Variants in PPM1H observed in about 807,000 individuals in gnomAD.
PPM1H encodes protein phosphatase 1H.
In PPM1H, 27 loss-of-function variants were observed where a neutral mutation model predicts 54.9. The ratio of observed to expected loss-of-function variants is 0.49; its 90% CI spans 0.36 to 0.68. The LOEUF is 0.68. PPM1H is among the 30% of genes least tolerant of loss of function. The pLI is 0.00. For synonymous variants in PPM1H, 305 were observed against 270.8 expected (o/e 1.13, Z -1.24); for missense variants, 596 against 667.8 (o/e 0.89, Z 1.19).
chr12:62,911,136 T>A (rs1871446812), intron 1 of PPM1H, among the ~76,000 whole-genome samples: 3 of 151,986 alleles, frequency 2.0e-5, no homozygotes, highest in African/African-American at 7.3e-5. Context: ...TTACTGGTAT[T>A]CTTCAGGGGG....
intron 6 of PPM1H, among the ~76,000 whole-genome samples, chr12:62,708,844 A>G (rs1317080308): frequency 6.6e-6 from 1 of 152,138 alleles, no homozygotes; most frequent in Non-Finnish European, 1.5e-5. Context: ...ACAGTACCCA[A>G]TAGGTAGTTT....
chr12:62,708,372 T>G (rs2076187204), intron 6 of PPM1H, among the ~76,000 whole-genome samples: 1 of 152,172 alleles, frequency 6.6e-6, no homozygotes, highest in South Asian at 2.1e-4. Context: ...CTGATTTAGA[T>G]GAAGAGGCCC....
chr12:62,861,895 C>G (rs887333681), intron 1 of PPM1H, among the ~76,000 whole-genome samples: 2 of 152,132 alleles, frequency 1.3e-5, no homozygotes, highest in African/African-American at 4.8e-5. Flanking sequence ...CAAGGAAAGC[C>G]AAGAATCTGT....
At chr12:62,806,754 G>T (rs1461262650) in intron 2 of PPM1H, among the ~76,000 whole-genome samples, 1 of 152,162 alleles carries the variant, frequency 6.6e-6, no homozygotes, top group African/African-American at 2.4e-5. Context: ...TTCCTGTACA[G>T]CCTGTGGACC....
At chr12:62,661,693 A>G (rs1252364260) in intron 9 of PPM1H, among the ~76,000 whole-genome samples, 1 of 151,344 alleles carries the variant, frequency 6.6e-6, no homozygotes, top group East Asian at 1.9e-4. Context: ...CACTGCACCT[A>G]GGCCAGTTCT....
chr12:62,873,607 T>A (rs1165240838), intron 1 of PPM1H, among the ~76,000 whole-genome samples: 1 of 152,200 alleles, frequency 6.6e-6, no homozygotes, highest in East Asian at 1.9e-4. Flanking sequence ...CAGATCCATG[T>A]CATTACTGCA....
chr12:62,755,932 C>A (rs1592582156), intron 4 of PPM1H: 2 of 819,452 alleles, frequency 2.4e-6, no homozygotes, highest in South Asian at 1.4e-5. Context: ...CCTTCTGTGT[C>A]CCTACTGCCA....
chr12:62,818,254 C>A (rs189632010), intron 2 of PPM1H, among the ~76,000 whole-genome samples: 1 of 152,174 alleles, frequency 6.6e-6, no homozygotes, highest in South Asian at 2.1e-4. Context: ...GTACCCTCCT[C>A]CTCTTATCTC....
At chr12:62,902,964 C>T (rs73318267) in intron 1 of PPM1H, among the ~76,000 whole-genome samples, 9,486 of 152,088 alleles carry the variant, frequency 0.062, 1,045 homozygotes, top group African/African-American at 0.22. Context: ...GAACTAATAC[C>T]ACTAGACTAA....
intron 4 of PPM1H, among the ~76,000 whole-genome samples, chr12:62,748,978 G>A (rs2076427095): frequency 6.6e-6 from 1 of 152,188 alleles, no homozygotes; most frequent in Non-Finnish European, 1.5e-5. Context: ...CACTGGGGTA[G>A]GAAAATACTG....
At chr12:62,842,955 T>C (rs1474372313) in intron 1 of PPM1H, among the ~76,000 whole-genome samples, 1 of 152,196 alleles carries the variant, frequency 6.6e-6, no homozygotes, top group Non-Finnish European at 1.5e-5. Flanking sequence ...TCTCATAAGA[T>C]GGGGATAATG....
intron 5 of PPM1H, among the ~76,000 whole-genome samples, 166 bp from the exon 6 acceptor site, chr12:62,720,455 C>T (rs991830862): frequency 4.6e-5 from 7 of 152,072 alleles, no homozygotes; most frequent in South Asian, 2.1e-4. Flanking sequence ...TAATAGAAGA[C>T]GAGCACATAA....
chr12:62,762,029 C>T (rs2076512131), intron 4 of PPM1H, among the ~76,000 whole-genome samples: 3 of 152,234 alleles, frequency 2.0e-5, no homozygotes, highest in Admixed American at 2.0e-4. Flanking sequence ...GCTCCGTCTG[C>T]AGCTCCTGTC....
intron 1 of PPM1H, among the ~76,000 whole-genome samples, chr12:62,864,903 C>T (rs1592642798): frequency 6.6e-6 from 1 of 152,286 alleles, no homozygotes; most frequent in East Asian, 1.9e-4. Flanking sequence ...GTCCAAAAGG[C>T]CTCAATAGAC....
At chr12:62,657,399 C>T (rs779579709) in intron 9 of PPM1H, among the ~76,000 whole-genome samples, 23 of 152,226 alleles carry the variant, frequency 1.5e-4, no homozygotes, top group Admixed American at 9.2e-4. Context: ...GGCCACACAG[C>T]TCTGCCACAT....
Position 62,647,518 on chromosome 12 carries a change from T to TTAATATG in PPM1H, c.*970_*971insCATATTA, listed in dbSNP as rs1177186208. 6.6e-6 allele frequency: 1 copy of TTAATATG among 152,168 alleles called. No homozygotes were observed. Among genetic ancestry groups the TTAATATG allele is most frequent in the Non-Finnish European group, 1.5e-5 (1 of 68,048 alleles). 9.4% of individuals were successfully genotyped at this position (152,168 alleles called of 1,614,324 possible). On this transcript the variant is annotated 3_prime_UTR_variant, in exon 10 of 10. Coordinates refer to ENST00000228705, the MANE Select transcript of PPM1H (RefSeq NM_020700.2). ...TTAAACTGCTCTATTAAACACTGCTTTATATGTGTCCCCATGATACAGAAA... is the reference window on the plus strand; with the variant it reads ...TTAAACTGCTCTATTAAACACTGCTTTAATATGTATATGTGTCCCCATGATACAGAAA...
chr12:62,822,997 G>C (rs938440806), intron 2 of PPM1H, among the ~76,000 whole-genome samples: 5 of 152,092 alleles, frequency 3.3e-5, no homozygotes, highest in African/African-American at 1.2e-4. Flanking sequence ...TAGACTGCTA[G>C]CAAGACTAAT....
intron 1 of PPM1H, among the ~76,000 whole-genome samples, chr12:62,880,580 C>T (rs541408842): frequency 9.9e-4 from 151 of 152,156 alleles, no homozygotes; most frequent in Non-Finnish European, 2.0e-3. Context: ...TCAGCACTCC[C>T]GATTCCATTC....
chr12:62,824,331 T>G (rs1337714312), intron 2 of PPM1H, among the ~76,000 whole-genome samples: 1 of 152,202 alleles, frequency 6.6e-6, no homozygotes, highest in Non-Finnish European at 1.5e-5. Flanking sequence ...CTGCCCAAAG[T>G]AATTTATAGA....
Sources: allele counts gnomAD v4.1 joint callset (sites outside exome capture counted in the v4.1 genomes callset), GRCh38; gene constraint gnomAD v4.1.1; transcripts MANE v1.5; gene names NCBI Gene and HGNC (gene_info 2026-07-23, HGNC 2026-07-21).